DAB1: variants seen among roughly 807,000 people sequenced by gnomAD.
The protein encoded by DAB1 is DAB adaptor protein 1.
In DAB1, 15 loss-of-function variants were observed where a neutral mutation model predicts 64.6. The ratio of observed to expected loss-of-function variants is 0.23; its 90% CI spans 0.16 to 0.36. The LOEUF (loss-of-function observed/expected upper bound fraction) is 0.36, where lower values mean the gene tolerates loss of function less well. Among genes scored for constraint, DAB1 ranks in the 10% least tolerant of loss-of-function variants. The pLI is 1.00. For synonymous variants in DAB1, 235 were observed against 251.9 expected (o/e 0.93, Z 0.64); for missense variants, 596 against 706.7 (o/e 0.84, Z 1.78).
intron 4 of DAB1, among the ~76,000 whole-genome samples, chr1:58,296,185 G>GAA (rs1467329048): frequency 9.3e-6 from 1 of 108,048 alleles, no homozygotes; most frequent in Non-Finnish European, 1.9e-5. Flanking sequence ...AAGAAAGAAA[G>GAA]AGAAAGAAAG....
chr1:58,530,458 A>T (rs1176118849), intron 1 of DAB1: 2 of 532,542 alleles, frequency 3.8e-6, no homozygotes, highest in Non-Finnish European at 3.3e-6. Context: ...TCCCCTAAAA[A>T]CGAGAAAACA....
At chr1:57,203,953 A>C (rs1665324187) in intron 2 of DAB1, among the ~76,000 whole-genome samples, 1 of 152,064 alleles carries the variant, frequency 6.6e-6, no homozygotes, top group East Asian at 1.9e-4. Context: ...GCAGTGGCAC[A>C]ATCTTGGTTC....
rs1015500369 is a variant in DAB1, at chr1:57,436,236, C to T, written n.626-145070G>A. The stretch of plus-strand genomic sequence containing the variant: ...CCGGCTGTGCTAGACTTTTATACGA[C>T]GGACAGCTAGCTCAGTAAGTTTGTT... On this transcript the variant is annotated intron_variant and non_coding_transcript_variant, in intron 7 of 20. Transcript: ENST00000485760. Among the ~76,000 whole-genome samples the T allele has an allele frequency of 1.8e-4, 28 of 152,186 alleles. 1 individual carries two copies. The highest frequency in any genetic ancestry group is 1.7e-3 in the South Asian group (8 of 4,808).
At chr1:57,735,935 C>A (rs981179847) in intron 6 of DAB1, among the ~76,000 whole-genome samples, 2 of 152,030 alleles carry the variant, frequency 1.3e-5, no homozygotes, top group Non-Finnish European at 2.9e-5. Context: ...AAATGATAGC[C>A]TTTTTGGTTC....
intron 2 of DAB1, among the ~76,000 whole-genome samples, chr1:57,247,773 C>T (rs1300723625): frequency 1.3e-5 from 2 of 152,168 alleles, no homozygotes; most frequent in Non-Finnish European, 2.9e-5. Flanking sequence ...AGGCTTGGCC[C>T]ATAAAGACCA....
chr1:57,153,270 C>T (rs1249694644), intron 2 of DAB1, among the ~76,000 whole-genome samples: 2 of 152,202 alleles, frequency 1.3e-5, no homozygotes, highest in Non-Finnish European at 2.9e-5. Context: ...AAGTGATCTG[C>T]CTGCCTCGGC....
At chr1:57,116,194 G>A (rs1313001283) in intron 4 of DAB1, among the ~76,000 whole-genome samples, 1 of 151,176 alleles carries the variant, frequency 6.6e-6, no homozygotes, top group Non-Finnish European at 1.5e-5. Context: ...GCCTGGCGTG[G>A]TGGCTCACCC....
intron 5 of DAB1, among the ~76,000 whole-genome samples, chr1:58,068,826 A>G (rs943708540): frequency 2.0e-5 from 3 of 152,002 alleles, no homozygotes; most frequent in African/African-American, 7.2e-5. Flanking sequence ...TCTTGGGTCC[A>G]ATGTTCTTCC....
intron 4 of DAB1, among the ~76,000 whole-genome samples, chr1:58,151,503 G>T (rs1202987444): frequency 6.6e-6 from 1 of 152,080 alleles, no homozygotes; most frequent in East Asian, 1.9e-4. Flanking sequence ...TTGAGAAGTG[G>T]ATAAGACCAT....
At chr1:57,531,416 G>A (rs1644661772) in intron 7 of DAB1, among the ~76,000 whole-genome samples, 1 of 152,014 alleles carries the variant, frequency 6.6e-6, no homozygotes, top group South Asian at 2.1e-4. Flanking sequence ...CTGCACCCAG[G>A]TGATTAAAAA....
chr1:58,236,881 G>A (rs192104881), intron 4 of DAB1, among the ~76,000 whole-genome samples: 1 of 152,202 alleles, frequency 6.6e-6, no homozygotes, highest in Non-Finnish European at 1.5e-5. Context: ...ATAATATATT[G>A]GGGCTGAAAG....
chr1:57,295,218 G>T (rs1395778213), intron 1 of DAB1, among the ~76,000 whole-genome samples: 1 of 152,130 alleles, frequency 6.6e-6, no homozygotes, highest in African/African-American at 2.4e-5. Context: ...TTTATGTCAT[G>T]TGAATTTCAC....
chr1:57,728,579 G>A (rs1647279979), intron 6 of DAB1, among the ~76,000 whole-genome samples: 1 of 151,500 alleles, frequency 6.6e-6, no homozygotes, highest in South Asian at 2.1e-4. Context: ...GGGCCACAGA[G>A]CAAGACTCCG....
intron 7 of DAB1, among the ~76,000 whole-genome samples, chr1:57,453,783 G>A (rs1167298211): frequency 3.3e-5 from 5 of 151,996 alleles, no homozygotes; most frequent in African/African-American, 9.7e-5. Context: ...GCATTATATG[G>A]TATTGAATGT....
At chr1:57,411,106 T>C (rs983220772) in intron 1 of DAB1, among the ~76,000 whole-genome samples, 3 of 152,226 alleles carry the variant, frequency 2.0e-5, no homozygotes, top group Non-Finnish European at 4.4e-5. Context: ...AATTGGCAGA[T>C]AGTAATCACC....
intron 5 of DAB1, among the ~76,000 whole-genome samples, chr1:57,952,829 C>CTGTT (rs1408838860): frequency 1.3e-5 from 2 of 148,650 alleles, no homozygotes; most frequent in African/African-American, 5.3e-5. Context: ...AGGGGTGGTT[C>CTGTT]TGTTTCTGTT....
At chr1:57,426,874 ATT>A (rs34515405), upstream of DAB1, among the ~76,000 whole-genome samples, 1 of 149,176 alleles carries the variant, frequency 6.7e-6, no homozygotes, top group African/African-American at 2.5e-5. Context: ...ATATATATAT[ATT>A]TTTTTGAGAC....
intron 7 of DAB1, among the ~76,000 whole-genome samples, chr1:57,589,188 C>A (rs1265088512): frequency 6.6e-6 from 1 of 152,046 alleles, no homozygotes; most frequent in Non-Finnish European, 1.5e-5. Flanking sequence ...CCATTGCACT[C>A]CAGCCTGGGC....
At chr1:57,819,781 A>C (rs989393791) in intron 6 of DAB1, among the ~76,000 whole-genome samples, 4 of 152,210 alleles carry the variant, frequency 2.6e-5, no homozygotes, top group African/African-American at 9.7e-5. Context: ...TAGCCATTTA[A>C]ATAATCCAAA....
Sources: gnomAD v4.1 joint callset for allele counts (sites outside exome capture counted in the v4.1 genomes callset) on GRCh38, gnomAD v4.1.1 for gene constraint, MANE v1.5 for transcripts, NCBI Gene and HGNC (gene_info 2026-07-23, HGNC 2026-07-21) for gene names.